The following CTNNB1 variants were observed in gnomAD, a reference collection of about 807,000 sequenced individuals.
CTNNB1 encodes catenin beta-1.
CTNNB1 carries 6 observed loss-of-function variants against 82.5 expected under a neutral mutation model. That is an observed-to-expected ratio of 0.07 (90% CI 0.04 to 0.14). The LOEUF is 0.14. CTNNB1 is among the 10% of genes least tolerant of loss of function. The probability of loss-of-function intolerance (pLI) is 1.00; values close to 1 mark genes in which losing one functional copy is unlikely to be tolerated. For missense variants in CTNNB1, 529 were observed against 980.4 expected (o/e 0.54, Z 6.15); for synonymous variants, 312 against 329.7 (o/e 0.95, Z 0.58).
At chr3:41,213,014 G>A (rs895613932) in intron 1 of CTNNB1, among the ~76,000 whole-genome samples, 6 of 152,128 alleles carry the variant, frequency 3.9e-5, no homozygotes, top group African/African-American at 1.4e-4. Flanking sequence ...GTCAGCACGA[G>A]ATTTTAAAAA....
intron 9 of CTNNB1, 39 bp from the exon 10 acceptor site, chr3:41,234,100 T>C: frequency 6.2e-7 from 1 of 1,613,650 alleles, no homozygotes; most frequent in Non-Finnish European, 8.5e-7. Context: ...GAAAATGATT[T>C]TGTTGAGTTG....
At chr3:41,206,811 C>T (rs2077658688) in intron 1 of CTNNB1, among the ~76,000 whole-genome samples, 1 of 151,888 alleles carries the variant, frequency 6.6e-6, no homozygotes, top group South Asian at 2.1e-4. Flanking sequence ...GAGTTCATTC[C>T]CCTGTGTAGG....
chr3:41,227,392 C>A, intron 7 of CTNNB1, 40 bp downstream of exon 7: 1 of 1,603,766 alleles, frequency 6.2e-7, no homozygotes, highest in Non-Finnish European at 8.5e-7. Flanking sequence ...TGTATAGCAT[C>A]TGCAGTTCTA....
intron 10 of CTNNB1, 93 bp downstream of exon 10, chr3:41,234,390 C>G: frequency 7.9e-7 from 1 of 1,265,116 alleles, no homozygotes; most frequent in Middle Eastern, 1.9e-4. Context: ...TTGGTTCCCC[C>G]CATCCGTCTT....
At chr3:41,227,894 C>T (rs2078215877) in intron 7 of CTNNB1, among the ~76,000 whole-genome samples, 1 of 152,118 alleles carries the variant, frequency 6.6e-6, no homozygotes, top group Non-Finnish European at 1.5e-5. Flanking sequence ...CGTAAGTAGG[C>T]CCCAGTGTCT....
chr3:41,220,800 A>G (rs746622430), intron 1 of CTNNB1: 5 of 152,216 alleles, frequency 3.3e-5, no homozygotes, highest in Non-Finnish European at 7.4e-5. Flanking sequence ...TTATATTTTT[A>G]TGTAGCAGAT....
At chr3:41,230,536 G>A (rs747998456) in intron 7 of CTNNB1, among the ~76,000 whole-genome samples, 1 of 152,178 alleles carries the variant, frequency 6.6e-6, no homozygotes, top group Non-Finnish European at 1.5e-5. Context: ...TAGGGTCCCC[G>A]TGCTTAATTC....
At chr3:41,232,863 A>G (rs1464896596) in intron 7 of CTNNB1, among the ~76,000 whole-genome samples, 1 of 152,108 alleles carries the variant, frequency 6.6e-6, no homozygotes, top group East Asian at 1.9e-4. Flanking sequence ...ATTTTTCTCC[A>G]TAGCCCTTTA....
At chr3:41,214,331 G>C (rs1466244257) in intron 1 of CTNNB1, among the ~76,000 whole-genome samples, 3 of 151,118 alleles carry the variant, frequency 2.0e-5, no homozygotes, top group Non-Finnish European at 2.9e-5. Context: ...CCTTGGTTAA[G>C]AACCATTGGG....
At chr3:41,233,267 C>A in intron 7 of CTNNB1, 74 bp from the exon 8 acceptor site, 3 of 1,256,414 alleles carry the variant, frequency 2.4e-6, no homozygotes, top group Non-Finnish European at 3.5e-6. Context: ...CCTCCTAAGG[C>A]TAGAACAGAT....
intron 1 of CTNNB1, among the ~76,000 whole-genome samples, chr3:41,218,076 G>A (rs1156814029): frequency 1.3e-5 from 2 of 151,870 alleles, no homozygotes; most frequent in Non-Finnish European, 2.9e-5. Flanking sequence ...ATATATACCC[G>A]TATTTTATCT....
intron 14 of CTNNB1, among the ~76,000 whole-genome samples, chr3:41,238,669 A>G (rs771391420): frequency 2.6e-4 from 40 of 152,212 alleles, no homozygotes; most frequent in Admixed American, 9.8e-4. Flanking sequence ...TTTCATGGAA[A>G]TAGTGCCTTT....
Position 41,232,153 on chromosome 3 carries a change from G to C in CTNNB1, c.1082-1188G>C, listed in dbSNP as rs547286906. ...GTATGGGACTTTTTTTTTTACCCTA[G>C]AACTGCTGAATCAGAATGTGTGTGT... is the stretch of plus-strand genomic sequence containing the variant. On this transcript the variant is annotated intron_variant, in intron 7 of 14. Coordinates refer to ENST00000349496, the MANE Select transcript of CTNNB1 (RefSeq NM_001904.4). Among the ~76,000 whole-genome samples, 96 of 152,046 alleles carry C rather than the reference G, an allele frequency of 6.3e-4. 1 individual carries two copies. Among genetic ancestry groups the C allele is most frequent in the African/African-American group, 2.2e-3 (90 of 41,452 alleles).
At chr3:41,237,733 C>G in intron 13 of CTNNB1, 1 of 212,414 alleles carries the variant, frequency 4.7e-6, no homozygotes, top group Non-Finnish European at 8.6e-6. Context: ...TGCTATATCT[C>G]TAGCATGTAG....
chr3:41,225,221 T>C lies in CTNNB1; in HGVS notation c.495+14T>C, dbSNP rs776682401. 1 of 1,614,046 alleles carries C rather than the reference T, an allele frequency of 6.2e-7. No individual in the cohort carries two copies. Among genetic ancestry groups the C allele is most frequent in the Non-Finnish European group, 8.5e-7 (1 of 1,179,964 alleles). ...GACGAGGACCAGGTAAGCAATGACATAGCTAGCTTTTTAGTCTGCTTTGAA... is the reference window on the plus strand; with the variant it reads ...GACGAGGACCAGGTAAGCAATGACACAGCTAGCTTTTTAGTCTGCTTTGAA... On this transcript the variant is annotated intron_variant, in intron 4 of 14. Transcript: ENST00000349496. This position sits in a 1 kb window ranked among gnomAD's most constrained non-coding sequence, Gnocchi z 5.3.
chr3:41,220,680 G>C (rs1159999239), intron 1 of CTNNB1: 1 of 152,164 alleles, frequency 6.6e-6, no homozygotes, highest in Non-Finnish European at 1.5e-5. Context: ...TTATGAAATA[G>C]AGTAGCACTT....
At chr3:41,214,734 A>G (rs191832242) in intron 1 of CTNNB1, among the ~76,000 whole-genome samples, 2 of 152,284 alleles carry the variant, frequency 1.3e-5, no homozygotes, top group Non-Finnish European at 2.9e-5. Context: ...ACTGCCCACC[A>G]TCTGTTTTTT....
intron 1 of CTNNB1, among the ~76,000 whole-genome samples, chr3:41,216,810 C>T (rs549184195): frequency 6.6e-6 from 1 of 152,000 alleles, no homozygotes; most frequent in African/African-American, 2.4e-5. Context: ...TATGCAGATG[C>T]CTTGCATACT....
Position 41,224,506 on chromosome 3 carries a change from A to C in CTNNB1, c.14-20A>C. The C allele has an allele frequency of 6.3e-7, 1 of 1,598,914 alleles. No homozygotes were observed. The highest frequency in any genetic ancestry group is 8.6e-7 in the Non-Finnish European group (1 of 1,166,548). ...TAACATTTCCAATCTACTAATGCTA[A>C]TACTGTTTCGTATTTATAGCTGATT... On this transcript the variant is annotated intron_variant, in intron 2 of 14. Transcript: ENST00000349496.
Sources: gnomAD v4.1 joint callset for allele counts (sites outside exome capture counted in the v4.1 genomes callset) on GRCh38, gnomAD v4.1.1 for gene constraint, Gnocchi (gnomAD v3.1) non-coding constraint, MANE v1.5 for transcripts, NCBI Gene and HGNC (gene_info 2026-07-23, HGNC 2026-07-21) for gene names.